Variants in CRYBA4 observed in about 807,000 individuals in gnomAD.
CRYBA4 encodes the protein beta-crystallin A4.
In CRYBA4, 30 loss-of-function variants were observed where a neutral mutation model predicts 31.7. That is an observed-to-expected ratio of 0.95 (90% CI 0.71 to 1.28). The LOEUF (loss-of-function observed/expected upper bound fraction) is 1.28, where lower values mean the gene tolerates loss of function less well. CRYBA4 is among the 50% of genes most tolerant of loss of function. The pLI is 0.00. For missense variants in CRYBA4, 225 were observed against 260.7 expected, an observed-to-expected ratio of 0.86 and a Z score of 0.94; for synonymous variants, 102 against 102.3, an observed-to-expected ratio of 1.00 and a Z score of 0.02.
At chr22:26,619,459 G>C (rs986166480), upstream of CRYBA4, among the ~76,000 whole-genome samples, 2 of 152,162 alleles carry the variant, frequency 1.3e-5, no homozygotes, top group African/African-American at 4.8e-5. Flanking sequence ...AAGGAGCCTG[G>C]GGAGCTGCTC....
the CRYBA4 span, among the ~76,000 whole-genome samples, chr22:26,612,732 A>G: frequency 6.6e-6 from 1 of 152,142 alleles, no homozygotes; most frequent in Non-Finnish European, 1.5e-5. Context: ...TCTTTGTGCT[A>G]TTCCTCCTGC....
chr22:26,627,417 T>C (rs9613230), intron 4 of CRYBA4, among the ~76,000 whole-genome samples: 1,239 of 88,524 alleles, frequency 0.014, 51 homozygotes, highest in Middle Eastern at 0.05. Flanking sequence ...TCTTTCTTTC[T>C]TTCTTTCTTT....
At chr22:26,620,227 T>G (rs540133360), upstream of CRYBA4, among the ~76,000 whole-genome samples, 5 of 152,328 alleles carry the variant, frequency 3.3e-5, no homozygotes, top group South Asian at 4.1e-4. Context: ...GATCAACAAT[T>G]AATAATAATC....
intron 3 of CRYBA4, 126 bp downstream of exon 3, chr22:26,623,478 G>C: frequency 2.7e-6 from 2 of 734,042 alleles, no homozygotes; most frequent in African/African-American, 1.7e-5. Flanking sequence ...CCCTCCTGAA[G>C]TACTGAGGAG....
At chr22:26,616,256 T>G in the CRYBA4 span, 1 of 1,613,918 alleles carries the variant, frequency 6.2e-7, no homozygotes, top group South Asian at 1.1e-5. Context: ...CCCTTCCCCT[T>G]GGTGTCAGGC....
chr22:26,622,625 G>A lies in CRYBA4; in HGVS notation c.29G>A (p.Gly10Glu). The stretch of plus-strand genomic sequence containing the variant: ...ACCCTGCAATGCACAAAGTCAGCGG[G>A]ACCCTGGAAGGTAGGAAGAGGCATG... MTLQCTKSA[G>E]PWKMVVWDED... The change falls in exon 2 of 6, where the codon GGA becomes GAA. Residue 10 changes from glycine (G) to glutamate (E), a missense_variant. Physicochemically the swap from Gly to Glu is moderately conservative, Grantham distance 98. Coordinates refer to ENST00000354760, the MANE Select transcript of CRYBA4 (RefSeq NM_001886.3). 2 of 1,604,808 alleles carry A rather than the reference G, an allele frequency of 1.2e-6. No homozygotes were observed. Among genetic ancestry groups the A allele is most frequent in the Non-Finnish European group, 1.7e-6 (2 of 1,174,910 alleles).
chr22:26,620,556 CTTTTTTTTTTTTTTTTTT>C (rs60318967), upstream of CRYBA4, among the ~76,000 whole-genome samples: 1 of 88,494 alleles, frequency 1.1e-5, no homozygotes, highest in African/African-American at 4.4e-5. Context: ...TCATGCATTC[CTTTTTTTTTTTTTTTTTT>C]TTTTTTTTGA....
intron 4 of CRYBA4, among the ~76,000 whole-genome samples, chr22:26,627,570 C>T (rs1443898593): frequency 2.3e-5 from 3 of 128,216 alleles, no homozygotes; most frequent in South Asian, 2.5e-4. Context: ...CATTCTCTGT[C>T]TTTCTTTTTC....
chr22:26,611,763 C>T, the CRYBA4 span, among the ~76,000 whole-genome samples: 4 of 152,128 alleles, frequency 2.6e-5, no homozygotes, highest in Admixed American at 6.5e-5. Flanking sequence ...CGTGAGCCAC[C>T]GCGCCCGGCC....
At position 26,627,384 on chromosome 22, in the gene CRYBA4, CTTT is replaced by C. The variant is rs1929748638; in HGVS notation, c.301-903_301-901del. Reference sequence around the variant, plus strand: ...CCTTTCTTTCTTTCTTTCTTTCTTTCTTTCTTTCTTTCTTTCTTTCTTTCTTTC... The same window carrying C: ...CCTTTCTTTCTTTCTTTCTTTCTTTCCTTTCTTTCTTTCTTTCTTTCTTTC... On this transcript the variant is annotated intron_variant, in intron 4 of 5. Coordinates refer to ENST00000354760, the MANE Select transcript of CRYBA4 (RefSeq NM_001886.3). 9.1e-5 allele frequency among the ~76,000 whole-genome samples: 6 copies of C among 65,702 alleles called. 1 individual carries two copies. Among genetic ancestry groups the C allele is most frequent in the African/African-American group, 6.4e-4 (6 of 9,392 alleles). 43.1% of individuals were successfully genotyped at this position (65,702 alleles called of 152,430 possible).
the CRYBA4 span, among the ~76,000 whole-genome samples, chr22:26,611,197 A>G: frequency 8.1e-4 from 124 of 152,260 alleles, no homozygotes; most frequent in South Asian, 3.7e-3. Context: ...CCACTTACCA[A>G]TAGGTGACCT....
At chr22:26,625,077 G>A (rs1219034629) in intron 3 of CRYBA4, among the ~76,000 whole-genome samples, 1 of 152,244 alleles carries the variant, frequency 6.6e-6, no homozygotes, top group Non-Finnish European at 1.5e-5. Context: ...GATCAGCTTT[G>A]CCTCCTTGGC....
At chr22:26,617,892 C>T (rs1929409439), upstream of CRYBA4, 1 of 153,452 alleles carries the variant, frequency 6.5e-6, no homozygotes, top group East Asian at 1.9e-4. Context: ...TCTCATGGCA[C>T]TGCTATCTCT....
At chr22:26,613,230 G>A in the CRYBA4 span, among the ~76,000 whole-genome samples, 2 of 152,196 alleles carry the variant, frequency 1.3e-5, no homozygotes, top group African/African-American at 4.8e-5. Flanking sequence ...TCCAAGTTGG[G>A]ACAACGTTGC....
upstream of CRYBA4, chr22:26,617,921 C>A: frequency 6.5e-6 from 1 of 153,654 alleles, no homozygotes; most frequent in Non-Finnish European, 1.5e-5. Flanking sequence ...CTCTCTGTCT[C>A]CCTTTTCTCT....
chr22:26,612,137 C>T, the CRYBA4 span: 1 of 1,613,978 alleles, frequency 6.2e-7, no homozygotes, highest in East Asian at 2.2e-5. Flanking sequence ...TTGAGCACTC[C>T]CCCGAGAATT....
chr22:26,625,719 C>A (rs949673385), intron 4 of CRYBA4, 97 bp downstream of exon 4: 11 of 1,280,924 alleles, frequency 8.6e-6, no homozygotes, highest in Admixed American at 1.8e-5. Flanking sequence ...CATGTCGCCA[C>A]TTCAAGCTGT....
chr22:26,630,531 T>G lies in CRYBA4; in HGVS notation c.*44T>G. On this transcript the variant is annotated 3_prime_UTR_variant, in exon 6 of 6. Transcript: ENST00000354760. ...GGAGCGCATGCGTGCTTATCTGCAA[T>G]GGAGGCGCTCTGGAGGCTGTGGTGT... 6.4e-7 allele frequency: 1 copy of G among 1,567,140 alleles called. No individual in the cohort carries two copies. Among genetic ancestry groups the G allele is most frequent in the Non-Finnish European group, 8.7e-7 (1 of 1,148,364 alleles).
At chr22:26,630,224 T>C in intron 5 of CRYBA4, 116 bp from the exon 6 acceptor site, 2 of 1,373,206 alleles carry the variant, frequency 1.5e-6, no homozygotes, top group Non-Finnish European at 2.0e-6. Context: ...TTGTGAGCAC[T>C]GAAGAAAGGC....
Sources: allele counts gnomAD v4.1 joint callset (sites outside exome capture counted in the v4.1 genomes callset), GRCh38; gene constraint gnomAD v4.1.1; transcripts MANE v1.5; gene names NCBI Gene and HGNC (gene_info 2026-07-23, HGNC 2026-07-21).